DOK5: variants seen among roughly 807,000 people sequenced by gnomAD.
DOK5 encodes the protein docking protein 5, also known as downstream of tyrosine kinase 5.
A neutral mutation model predicts 43.3 loss-of-function variants in DOK5; 27 were observed. The observed-to-expected ratio is 0.62, with a 90% confidence interval of 0.46 to 0.86. The LOEUF is 0.86. DOK5 is among the 40% of genes least tolerant of loss of function. The pLI is 0.00. For missense variants in DOK5, 373 were observed against 392.9 expected (o/e 0.95, Z 0.43); for synonymous variants, 146 against 140.1 (o/e 1.04, Z -0.30).
chr20:54,597,121 A>C (rs1986164563), intron 5 of DOK5, among the ~76,000 whole-genome samples: 1 of 152,208 alleles, frequency 6.6e-6, no homozygotes, highest in Non-Finnish European at 1.5e-5. Context: ...AAAACTAACA[A>C]AATATGTACA....
intron 4 of DOK5, among the ~76,000 whole-genome samples, chr20:54,590,778 C>T (rs1158793255): frequency 1.3e-5 from 2 of 152,108 alleles, no homozygotes; most frequent in African/African-American, 4.8e-5. Context: ...CGTATGTAGG[C>T]AATCTACCAT....
Position 54,622,011 on chromosome 20 carries a change from T to C in DOK5, c.735+11488T>C, listed in dbSNP as rs546489089. 4.0e-4 allele frequency among the ~76,000 whole-genome samples: 61 copies of C among 152,042 alleles called. No homozygotes were observed. In the Middle Eastern group the frequency reaches 0.01, roughly 25 times the overall value. ...GAGATCAAGACCATCTTGACCAATA[T>C]GCTGAAACCCCGTCTCTACTACACA... On this transcript the variant is annotated intron_variant, in intron 6 of 7. Coordinates refer to ENST00000262593, the MANE Select transcript of DOK5 (RefSeq NM_018431.5).
At chr20:54,549,598 C>G (rs571180138) in intron 1 of DOK5, among the ~76,000 whole-genome samples, 1 of 152,236 alleles carries the variant, frequency 6.6e-6, no homozygotes, top group African/African-American at 2.4e-5. Flanking sequence ...ATTAGGCATG[C>G]TGAAATTGAA....
chr20:54,646,214 C>G (rs1489031915), intron 7 of DOK5, among the ~76,000 whole-genome samples: 5 of 145,028 alleles, frequency 3.4e-5, no homozygotes, highest in Non-Finnish European at 6.0e-5. Context: ...GCATATTTTA[C>G]TACCTTAATA....
At chr20:54,583,792 T>C (rs546640852) in intron 2 of DOK5, among the ~76,000 whole-genome samples, 91 of 152,250 alleles carry the variant, frequency 6.0e-4, no homozygotes, top group Non-Finnish European at 9.9e-4. Context: ...AAAGTGAGTC[T>C]CTTGTAGACA....
chr20:54,536,278 C>T (rs1394290772), intron 1 of DOK5, among the ~76,000 whole-genome samples: 1 of 152,162 alleles, frequency 6.6e-6, no homozygotes, highest in Non-Finnish European at 1.5e-5. Flanking sequence ...GTGAGTGCAT[C>T]AGTGGCCTTA....
intron 7 of DOK5, among the ~76,000 whole-genome samples, chr20:54,644,549 C>CA (rs543925343): frequency 0.49 from 73,030 of 150,422 alleles, 19,045 homozygotes; most frequent in Middle Eastern, 0.7. Flanking sequence ...CTAAAAAACA[C>CA]AAAAAAATTA....
intron 1 of DOK5, among the ~76,000 whole-genome samples, chr20:54,489,504 A>G (rs1982079003): frequency 1.3e-5 from 2 of 152,284 alleles, no homozygotes; most frequent in African/African-American, 4.8e-5. Context: ...GTGATATATC[A>G]TAGTTTTGAA....
chr20:54,631,456 A>T (rs142223107), intron 6 of DOK5, among the ~76,000 whole-genome samples: 1 of 147,542 alleles, frequency 6.8e-6, no homozygotes, highest in Admixed American at 6.7e-5. Context: ...GGAAGGAAGG[A>T]AGGGAGGGAG....
chr20:54,500,114 A>C (rs925646711), intron 1 of DOK5, among the ~76,000 whole-genome samples: 1 of 152,236 alleles, frequency 6.6e-6, no homozygotes, highest in African/African-American at 2.4e-5. Context: ...CTAAATGAAA[A>C]AGTTAAAAAG....
intron 1 of DOK5, among the ~76,000 whole-genome samples, chr20:54,537,096 C>T (rs148612464): frequency 6.6e-6 from 1 of 152,208 alleles, no homozygotes; most frequent in Non-Finnish European, 1.5e-5. Flanking sequence ...CCCTACCACC[C>T]CAACCCAGCA....
intron 2 of DOK5, among the ~76,000 whole-genome samples, chr20:54,560,763 G>A (rs1050500264): frequency 1.1e-4 from 16 of 152,264 alleles, no homozygotes; most frequent in Admixed American, 3.9e-4. Context: ...TGGGATCACA[G>A]GCATCCACCA....
At chr20:54,492,152 A>G (rs761771767) in intron 1 of DOK5, among the ~76,000 whole-genome samples, 4 of 152,068 alleles carry the variant, frequency 2.6e-5, no homozygotes, top group Non-Finnish European at 4.4e-5. Context: ...AAAACAATGC[A>G]AAAAAGGATA....
intron 1 of DOK5, among the ~76,000 whole-genome samples, chr20:54,516,536 ATCATATCT>A (rs1983203266): frequency 6.6e-6 from 1 of 152,144 alleles, no homozygotes; most frequent in Admixed American, 6.5e-5. Flanking sequence ...AGAGTATGCT[ATCATATCT>A]GAACTGTGTG....
chr20:54,568,786 C>T (rs951946182), intron 2 of DOK5, among the ~76,000 whole-genome samples: 10 of 151,580 alleles, frequency 6.6e-5, no homozygotes, highest in Admixed American at 3.9e-4. Context: ...AAAAATTAGC[C>T]GGGTGTGGTG....
chr20:54,647,993 G>C (rs1377243563), intron 7 of DOK5, among the ~76,000 whole-genome samples: 3 of 152,154 alleles, frequency 2.0e-5, no homozygotes, highest in Non-Finnish European at 2.9e-5. Context: ...TCTTTCTGAG[G>C]ACCTACTGTG....
In DOK5 at chr20:54,513,478, A is replaced by AC. The variant is rs561801956; in HGVS notation, c.66+37466_66+37467insC. Among the ~76,000 whole-genome samples, 720 of 150,854 alleles carry AC rather than the reference A, an allele frequency of 4.8e-3. 13 individuals carry two copies. The South Asian group carries it at 0.061, about 13-fold the overall frequency. On this transcript the variant is annotated intron_variant, in intron 1 of 7. Coordinates refer to ENST00000262593, the MANE Select transcript of DOK5 (RefSeq NM_018431.5). ...TACTCTGAGCAAAAAAAAAAAAAAA[A>AC]AAAAAAAAAACCCAACATCCATTTG...
intron 5 of DOK5, among the ~76,000 whole-genome samples, 185 bp downstream of exon 5, chr20:54,591,990 A>G (rs1333933954): frequency 1.3e-5 from 2 of 152,204 alleles, no homozygotes; most frequent in Non-Finnish European, 2.9e-5. Context: ...TATACTCAAC[A>G]TGGCTTTTCT....
chr20:54,610,929 C>G (rs1476382315), intron 6 of DOK5, among the ~76,000 whole-genome samples: 3 of 152,120 alleles, frequency 2.0e-5, no homozygotes, highest in African/African-American at 7.2e-5. Flanking sequence ...GTCAAAAGCC[C>G]AAGACCAGAC....
Sources: allele counts gnomAD v4.1 joint callset (sites outside exome capture counted in the v4.1 genomes callset), GRCh38; gene constraint gnomAD v4.1.1; transcripts MANE v1.5; gene names NCBI Gene and HGNC (gene_info 2026-07-23, HGNC 2026-07-21).